Variants in KDM4C observed in about 807,000 individuals in gnomAD.
The protein encoded by KDM4C is lysine-specific demethylase 4C.
Under a neutral mutation model 129.3 loss-of-function variants are expected in KDM4C, and 81 were observed. That is an observed-to-expected ratio of 0.63 (90% CI 0.52 to 0.75). The LOEUF (loss-of-function observed/expected upper bound fraction) is 0.75. Among genes scored for constraint, KDM4C ranks in the 30% least tolerant of loss-of-function variants. The pLI, the probability that KDM4C is intolerant of heterozygous loss-of-function variation, is 0.00. For missense variants in KDM4C, 1,457 were observed against 1,304.0 expected, an observed-to-expected ratio of 1.12 and a Z score of -1.81; for synonymous variants, 573 against 456.1, an observed-to-expected ratio of 1.26 and a Z score of -3.26.
intron 20 of KDM4C, 61 bp from the exon 21 acceptor site, chr9:7,169,737 C>A (rs866318205): frequency 6.9e-6 from 9 of 1,299,948 alleles, no homozygotes; most frequent in Middle Eastern, 4.0e-4. Context: ...TTAATTGGAG[C>A]CTTTAAAAAT....
chr9:6,889,393 C>T (rs1014835616), intron 7 of KDM4C, among the ~76,000 whole-genome samples: 6 of 152,046 alleles, frequency 3.9e-5, no homozygotes, highest in Non-Finnish European at 7.4e-5. Context: ...TGAATGTGCC[C>T]TCATCACTGG....
At chr9:7,037,618 A>C (rs924749851) in intron 15 of KDM4C, among the ~76,000 whole-genome samples, 2 of 152,162 alleles carry the variant, frequency 1.3e-5, no homozygotes, top group African/African-American at 4.8e-5. Flanking sequence ...GCATTGTTAA[A>C]AGGGGATTTT....
chr9:6,755,377 A>G (rs1045464206), upstream of KDM4C, among the ~76,000 whole-genome samples: 1 of 142,940 alleles, frequency 7.0e-6, no homozygotes, highest in Admixed American at 6.9e-5. Flanking sequence ...TCTCAATTAT[A>G]AAAAAATGCA....
intron 2 of KDM4C, among the ~76,000 whole-genome samples, chr9:6,800,358 C>G (rs996704655): frequency 1.3e-5 from 2 of 151,622 alleles, no homozygotes; most frequent in Non-Finnish European, 2.9e-5. Flanking sequence ...CAGTGAGACT[C>G]CATCTCAAAA....
At chr9:7,025,588 C>G (rs1825675338) in intron 15 of KDM4C, among the ~76,000 whole-genome samples, 1 of 152,116 alleles carries the variant, frequency 6.6e-6, no homozygotes, top group Non-Finnish European at 1.5e-5. Flanking sequence ...TTATTTTAAG[C>G]TGACAACCAC....
intron 15 of KDM4C, among the ~76,000 whole-genome samples, chr9:7,037,835 T>C (rs1336590687): frequency 6.6e-6 from 1 of 151,880 alleles, no homozygotes; most frequent in Non-Finnish European, 1.5e-5. Context: ...GGCATTTTAG[T>C]ATATATATTT....
chr9:7,036,763 C>G (rs912506037), intron 15 of KDM4C, among the ~76,000 whole-genome samples: 5 of 152,172 alleles, frequency 3.3e-5, no homozygotes, highest in African/African-American at 1.2e-4. Flanking sequence ...AAAGATTTGT[C>G]TGCACCACCC....
chr9:6,880,409 G>GT (rs1307803126), intron 6 of KDM4C, among the ~76,000 whole-genome samples: 4 of 151,992 alleles, frequency 2.6e-5, no homozygotes, highest in Non-Finnish European at 4.4e-5. Context: ...TTTAAATTAA[G>GT]TTACATTCTT....
intron 4 of KDM4C, among the ~76,000 whole-genome samples, chr9:6,843,528 T>A (rs1253221109): frequency 6.6e-6 from 1 of 152,232 alleles, no homozygotes; most frequent in Non-Finnish European, 1.5e-5. Context: ...AAGACTGGAC[T>A]TTTCCTGTGG....
chr9:6,981,218 C>T, intron 9 of KDM4C, 100 bp downstream of exon 9: 1 of 875,410 alleles, frequency 1.1e-6, no homozygotes, highest in East Asian at 2.7e-5. Context: ...TCTATTTATT[C>T]ATCATAACTT....
chr9:6,777,674 C>A (rs1028030424), intron 1 of KDM4C, among the ~76,000 whole-genome samples: 1 of 152,090 alleles, frequency 6.6e-6, no homozygotes, highest in African/African-American at 2.4e-5. Context: ...CTCTGTCGCC[C>A]AGTCTGGAGT....
intron 5 of KDM4C, among the ~76,000 whole-genome samples, chr9:6,873,442 C>G (rs1301771594): frequency 1.3e-5 from 2 of 152,182 alleles, no homozygotes; most frequent in Admixed American, 1.3e-4. Flanking sequence ...ATGATCTTAG[C>G]TAGATTTTCA....
chr9:6,856,361 A>G (rs139673783), intron 5 of KDM4C, among the ~76,000 whole-genome samples: 4 of 152,176 alleles, frequency 2.6e-5, no homozygotes, highest in African/African-American at 9.6e-5. Flanking sequence ...TTATTTTGCT[A>G]TTTTGTCTAG....
chr9:6,889,813 G>A (rs571518353), intron 7 of KDM4C, among the ~76,000 whole-genome samples: 15 of 152,218 alleles, frequency 9.9e-5, no homozygotes, highest in Non-Finnish European at 1.9e-4. Context: ...GTTATGTGAG[G>A]CAGCAGGGCT....
chr9:6,721,163 T>G (rs1816935054), intron 1 of KDM4C: 1 of 496,346 alleles, frequency 2.0e-6, no homozygotes, highest in African/African-American at 2.0e-5. Context: ...AGCCTCAACA[T>G]CCCAGGCTCA....
intron 17 of KDM4C, among the ~76,000 whole-genome samples, chr9:7,072,438 G>C (rs1419512810): frequency 6.6e-6 from 1 of 152,136 alleles, no homozygotes; most frequent in Non-Finnish European, 1.5e-5. Context: ...ATGCTACTCA[G>C]CACTAAAAAG....
chr9:6,799,372 G>A (rs1006957699), intron 2 of KDM4C, among the ~76,000 whole-genome samples: 1 of 152,152 alleles, frequency 6.6e-6, no homozygotes. Flanking sequence ...AGACCAGCCC[G>A]GCCAACACAG....
At chr9:6,729,885 G>A (rs1817261973) in intron 1 of KDM4C, among the ~76,000 whole-genome samples, 1 of 133,676 alleles carries the variant, frequency 7.5e-6, no homozygotes, top group African/African-American at 3.2e-5. Flanking sequence ...AGAGGCGGGC[G>A]GATCACCTGA....
Position 6,896,757 on chromosome 9 carries a change from T to C in KDM4C, c.921+3525T>C, listed in dbSNP as rs570352185. Among the ~76,000 whole-genome samples, 7 of 152,252 alleles carry C rather than the reference T, an allele frequency of 4.6e-5. No homozygotes were observed. In the South Asian group the frequency reaches 1.5e-3, roughly 32 times the overall value. On this transcript the variant is annotated intron_variant, in intron 8 of 21. Transcript: ENST00000381309. ...TCTGCTGTGTGCCAGGCATCATGTA[T>C]GTTTCTATGAATTCATCACTCGTGA...
Sources: gnomAD v4.1 joint callset for allele counts (sites outside exome capture counted in the v4.1 genomes callset) on GRCh38, gnomAD v4.1.1 for gene constraint, MANE v1.5 for transcripts, NCBI Gene and HGNC (gene_info 2026-07-23, HGNC 2026-07-21) for gene names.